The following ZWILCH variants were observed in gnomAD, a reference collection of about 807,000 sequenced individuals.
ZWILCH encodes zwilch kinetochore protein.
A neutral mutation model predicts 79.9 loss-of-function variants in ZWILCH; 74 were observed. That is an observed-to-expected ratio of 0.93 (90% CI 0.77 to 1.12). The LOEUF is 1.12. Ranked by LOEUF, ZWILCH falls within the 50% of genes most tolerant of loss-of-function variation. The probability of loss-of-function intolerance (pLI) is 0.00; values close to 1 mark genes in which losing one functional copy is unlikely to be tolerated. For synonymous variants in ZWILCH, 241 were observed against 228.2 expected, an observed-to-expected ratio of 1.06 and a Z score of -0.51; for missense variants, 694 against 687.5, an observed-to-expected ratio of 1.01 and a Z score of -0.11.
At chr15:66,537,786 T>C (rs1469148737) in intron 16 of ZWILCH, among the ~76,000 whole-genome samples, 2 of 152,106 alleles carry the variant, frequency 1.3e-5, no homozygotes, top group East Asian at 1.9e-4. Flanking sequence ...TCATATTCAG[T>C]AGGGACCTCA....
At chr15:66,517,726 C>CTTTTTTTTT (rs1161719182) in intron 4 of ZWILCH, among the ~76,000 whole-genome samples, 4 of 58,228 alleles carry the variant, frequency 6.9e-5, no homozygotes, top group Non-Finnish European at 1.2e-4. Flanking sequence ...CTTTTCTTTC[C>CTTTTTTTTT]TTTTTTTTTT....
chr15:66,520,480 T>C, intron 5 of ZWILCH, 110 bp from the exon 6 acceptor site: 1 of 667,880 alleles, frequency 1.5e-6, no homozygotes, highest in Non-Finnish European at 2.7e-6. Context: ...ATTTTAACAG[T>C]TATTTTGTTG....
In ZWILCH at chr15:66,518,936, T is replaced by C. The variant is rs1253581934; in HGVS notation, c.378T>C (p.Ile126=). The stretch of plus-strand genomic sequence containing the variant: ...ATCCTAATATGACCCATTTGAAGAT[T>C]AATCTGCCAGTTACTGCCCTTCCTC... ...AHNPNMTHLK[I]NLPVTALPPL... is the part of the protein sequence containing the mutation. Residue 126 remains isoleucine, a synonymous_variant, in exon 5 of 19, where the codon ATT becomes ATC. Coordinates refer to ENST00000307897, the MANE Select transcript of ZWILCH (RefSeq NM_017975.5). 5 of 1,614,126 alleles carry C rather than the reference T, an allele frequency of 3.1e-6. No homozygotes were observed. The Admixed American group carries it at 5.0e-5, about 16-fold the overall frequency.
chr15:66,548,221 T>G (rs911851729), intron 18 of ZWILCH, 130 bp from the exon 19 acceptor site: 2 of 251,002 alleles, frequency 8.0e-6, no homozygotes, highest in Non-Finnish European at 1.5e-5. Context: ...ATGCCATTTT[T>G]GTAAATAATT....
chr15:66,517,931 C>T (rs899566138), intron 4 of ZWILCH, among the ~76,000 whole-genome samples: 11 of 151,854 alleles, frequency 7.2e-5, no homozygotes, highest in Middle Eastern at 3.4e-3. Context: ...CGGGGTTTCA[C>T]CATGTTGGTC....
In ZWILCH at chr15:66,546,688, G is replaced by C; in HGVS notation, c.*9G>C. ...AGGTGCATTTCAAGTGAAGTGTGCTGATGAAGTCCTCTATAAGGTATTTAT... is the reference window on the plus strand; with the variant it reads ...AGGTGCATTTCAAGTGAAGTGTGCTCATGAAGTCCTCTATAAGGTATTTAT... On this transcript the variant is annotated 3_prime_UTR_variant, in exon 18 of 19. Transcript: ENST00000307897. 1 of 1,590,670 alleles carries C rather than the reference G, an allele frequency of 6.3e-7. No individual in the cohort carries two copies. The highest frequency in any genetic ancestry group is 8.6e-7 in the Non-Finnish European group (1 of 1,165,722).
chr15:66,543,191 T>TC (rs1199887955), intron 17 of ZWILCH, among the ~76,000 whole-genome samples: 1 of 151,902 alleles, frequency 6.6e-6, no homozygotes, highest in African/African-American at 2.4e-5. Flanking sequence ...GGAGCAAGAC[T>TC]CCATCTCAAA....
chr15:66,508,372 C>G (rs1279119079), intron 1 of ZWILCH, among the ~76,000 whole-genome samples: 1 of 152,208 alleles, frequency 6.6e-6, no homozygotes, highest in Non-Finnish European at 1.5e-5. Flanking sequence ...AAATGGAGGA[C>G]AGATGCTTCC....
At chr15:66,513,583 T>A (rs1237614434) in intron 2 of ZWILCH, among the ~76,000 whole-genome samples, 2 of 151,218 alleles carry the variant, frequency 1.3e-5, no homozygotes, top group Non-Finnish European at 3.0e-5. Context: ...TCTCTTTTTT[T>A]TTTTTTGAAA....
intron 17 of ZWILCH, among the ~76,000 whole-genome samples, chr15:66,542,908 C>G (rs1895238873): frequency 6.6e-6 from 1 of 152,168 alleles, no homozygotes; most frequent in Non-Finnish European, 1.5e-5. Flanking sequence ...GATACCTTTT[C>G]CATATTAGCA....
intron 10 of ZWILCH, 57 bp downstream of exon 10, chr15:66,527,969 A>G: frequency 1.4e-6 from 2 of 1,436,728 alleles, no homozygotes; most frequent in Admixed American, 2.3e-5. Flanking sequence ...AAATTCGGTT[A>G]TGCTGACATC....
At chr15:66,514,161 C>A in intron 3 of ZWILCH, 78 bp downstream of exon 3, 1 of 970,750 alleles carries the variant, frequency 1.0e-6, no homozygotes, top group Non-Finnish European at 1.5e-6. Context: ...CTAACGTACA[C>A]GTTTTAAAAT....
chr15:66,515,056 C>G (rs1332727292), intron 3 of ZWILCH, among the ~76,000 whole-genome samples: 1 of 152,160 alleles, frequency 6.6e-6, no homozygotes, highest in African/African-American at 2.4e-5. Flanking sequence ...ATCCTTCCAC[C>G]TCAGCCTCCT....
At chr15:66,544,638 C>G (rs566493466) in intron 17 of ZWILCH, among the ~76,000 whole-genome samples, 4 of 151,966 alleles carry the variant, frequency 2.6e-5, no homozygotes, top group African/African-American at 9.7e-5. Context: ...CTACTGCCCC[C>G]GGCCAAAAGG....
chr15:66,541,962 A>G (rs187476474), intron 17 of ZWILCH, among the ~76,000 whole-genome samples: 309 of 152,350 alleles, frequency 2.0e-3, no homozygotes, highest in African/African-American at 7.1e-3. Flanking sequence ...TCTGTCAGTT[A>G]GAGGCTCTGT....
At chr15:66,507,864 C>A (rs1319675584) in intron 1 of ZWILCH, among the ~76,000 whole-genome samples, 4 of 149,828 alleles carry the variant, frequency 2.7e-5, no homozygotes, top group Non-Finnish European at 1.5e-5. Context: ...ACCCGGGAGG[C>A]AGAGCTTGCA....
rs199667793 is a variant in ZWILCH at position 66,505,367 on chromosome 15, A to G, written c.29A>G (p.Glu10Gly). Reference protein sequence around the residue: MWERLNCAAEDFYSRLLQKF... With the variant: MWERLNCAAGDFYSRLLQKF... ...TGGGAGCGGCTGAACTGCGCAGCAG[A>G]GGACTTTTATTCTCGTCTCCTTCAG... The change falls in exon 1 of 19, where the codon GAG (glutamate) becomes GGG (glycine). Residue 10 changes from glutamate to glycine, a missense_variant. Physicochemically the swap from Glu to Gly is moderately conservative, Grantham distance 98. Transcript: ENST00000307897. 22 of 1,614,050 alleles carry G rather than the reference A, an allele frequency of 1.4e-5. No individual in the cohort carries two copies. Among genetic ancestry groups the G allele is most frequent in the Middle Eastern group, 1.6e-4 (1 of 6,084 alleles).
chr15:66,509,865 A>G (rs1189627675), intron 2 of ZWILCH, among the ~76,000 whole-genome samples: 3 of 77,750 alleles, frequency 3.9e-5, no homozygotes, highest in Admixed American at 1.4e-4. Context: ...ATATATATAT[A>G]TATATCTCTT....
chr15:66,514,253 C>T, intron 3 of ZWILCH, 170 bp downstream of exon 3: 1 of 380,776 alleles, frequency 2.6e-6, no homozygotes. Flanking sequence ...ACCACATATG[C>T]AATTTAACAT....
Sources: gnomAD v4.1 joint callset for allele counts (sites outside exome capture counted in the v4.1 genomes callset) on GRCh38, gnomAD v4.1.1 for gene constraint, MANE v1.5 for transcripts, NCBI Gene and HGNC (gene_info 2026-07-23, HGNC 2026-07-21) for gene names.